The following PRPS2 variants were observed in gnomAD, a reference collection of about 807,000 sequenced individuals.
The protein encoded by PRPS2 is ribose-phosphate pyrophosphokinase 2.
For synonymous variants in PRPS2, 111 were observed against 115.3 expected (o/e 0.96, Z 0.24); for missense variants, 104 against 271.5 (o/e 0.38, Z 4.34).
In PRPS2 at chrX:12,803,301, T is replaced by G. The variant is rs758036947; in HGVS notation, c.306+3911T>G. On this transcript the variant is annotated intron_variant, in intron 2 of 6. Transcript: ENST00000380668. ...CTCACTCTCTCATTTTTAATTTTCT[T>G]TTTAGAGACAGGGTCTCGCTTCGTC... 8.9e-4 allele frequency among the ~76,000 whole-genome samples: 100 copies of G among 112,203 alleles called. 3 individuals are homozygous for G. The South Asian group carries it at 0.035, about 40-fold the overall frequency.
chrX:12,810,335 G>C, intron 4 of PRPS2, 189 bp downstream of exon 4: 1 of 508,803 alleles, frequency 2.0e-6, no homozygotes, highest in Non-Finnish European at 3.1e-6. Flanking sequence ...CGTCATTCAG[G>C]AAAGAAGAAA....
rs914826939 is a variant in PRPS2, at chrX:12,823,064, A to G, written c.*268A>G. The G allele has an allele frequency of 8.0e-5, 23 of 286,911 alleles. No individual in the cohort carries two copies. Among genetic ancestry groups the G allele is most frequent in the Non-Finnish European group, 1.2e-4 (20 of 166,239 alleles). 23.6% of individuals were successfully genotyped at this position (286,911 alleles called of 1,213,427 possible). A position where few individuals can be genotyped will look rare whatever the true frequency, so the allele number is the denominator to read the frequency against. ...TGTCATTTTGACTTTTAACAGGTAC[A>G]GGTGATCTCTTCCTTTGTTCTTTCA... On this transcript the variant is annotated 3_prime_UTR_variant, in exon 7 of 7. Transcript: ENST00000380668.
intron 2 of PRPS2, among the ~76,000 whole-genome samples, chrX:12,802,789 G>A (rs1044609098): frequency 8.9e-6 from 1 of 112,723 alleles, no homozygotes; most frequent in Non-Finnish European, 1.9e-5. Flanking sequence ...CTGTAAGTGT[G>A]TTTCTTGGTA....
At chrX:12,813,507 C>CA (rs1255529445) in intron 4 of PRPS2, among the ~76,000 whole-genome samples, 1 of 112,098 alleles carries the variant, frequency 8.9e-6, no homozygotes, top group African/African-American at 3.2e-5. Flanking sequence ...TGGTCTTTTC[C>CA]AAAAAATATA....
intron 6 of PRPS2, among the ~76,000 whole-genome samples, chrX:12,821,850 G>A (rs774050049): frequency 3.6e-5 from 4 of 112,294 alleles, no homozygotes; most frequent in African/African-American, 1.3e-4. Flanking sequence ...CAATTGGCCT[G>A]AAATAAGTCA....
At chrX:12,820,031 G>A (rs752405314) in intron 5 of PRPS2, among the ~76,000 whole-genome samples, 1 of 112,049 alleles carries the variant, frequency 8.9e-6, no homozygotes, top group South Asian at 3.7e-4. Flanking sequence ...TGGGTGTCTG[G>A]AGGATTTGTA....
chrX:12,812,470 T>C (rs1307705228), intron 4 of PRPS2, among the ~76,000 whole-genome samples: 1 of 110,513 alleles, frequency 9.0e-6, no homozygotes, highest in African/African-American at 3.3e-5. Flanking sequence ...CTGCTGAAAA[T>C]ACAAAAATTA....
chrX:12,799,495 C>T, intron 2 of PRPS2, 105 bp downstream of exon 2: 3 of 877,298 alleles, frequency 3.4e-6, no homozygotes, highest in Non-Finnish European at 3.1e-6. Flanking sequence ...TTGGCTTTTT[C>T]CTTTGATGAT....
chrX:12,794,473 C>A (rs1227321689), intron 1 of PRPS2, among the ~76,000 whole-genome samples: 1 of 112,067 alleles, frequency 8.9e-6, no homozygotes, highest in Non-Finnish European at 1.9e-5. Context: ...TGGGCAAGTA[C>A]AGAGCCCTCT....
intron 1 of PRPS2, among the ~76,000 whole-genome samples, chrX:12,793,534 T>A (rs1428392614): frequency 8.8e-6 from 1 of 113,012 alleles, no homozygotes; most frequent in Non-Finnish European, 1.9e-5. Context: ...CTACATTTTA[T>A]GTTTTTAATG....
intron 6 of PRPS2, among the ~76,000 whole-genome samples, chrX:12,821,119 C>G (rs1275901007): frequency 1.8e-5 from 2 of 111,971 alleles, no homozygotes; most frequent in Non-Finnish European, 3.8e-5. Context: ...TATATGCCCC[C>G]CAAATTTGGA....
Position 12,809,239 on chromosome X carries a change from T to C in PRPS2, c.312T>C (p.Arg104=). ...YARQDKKDKS[R]APISAKLVAN... is the part of the protein sequence containing the mutation. ...ATTAATGTTCTTACTTGTAGAGTCG[T>C]GCCCCAATTTCTGCAAAACTTGTGG... The change falls in exon 3 of 7, where the codon CGT becomes CGC. Residue 104 remains arginine (R), a synonymous_variant. Transcript: ENST00000380668. The C allele has an allele frequency of 8.3e-7, 1 of 1,210,001 alleles. No homozygotes were observed. Among genetic ancestry groups the C allele is most frequent in the Non-Finnish European group, 1.1e-6 (1 of 894,639 alleles).
intron 5 of PRPS2, 21 bp downstream of exon 5, chrX:12,819,701 A>G (rs1569098328): frequency 4.2e-6 from 5 of 1,201,589 alleles, no homozygotes; most frequent in Non-Finnish European, 5.6e-6. Flanking sequence ...CGGTGGGGAA[A>G]GCGTTAGGAC....
At chrX:12,814,069 C>A (rs367996262) in intron 4 of PRPS2, among the ~76,000 whole-genome samples, 2,751 of 19,353 alleles carry the variant, frequency 0.14, 46 homozygotes, top group South Asian at 0.22. Context: ...AGCCCCCCCA[C>A]CCCCGACTCT....
chrX:12,814,572 C>T (rs770285412), intron 4 of PRPS2, among the ~76,000 whole-genome samples: 1 of 112,160 alleles, frequency 8.9e-6, no homozygotes, highest in East Asian at 2.8e-4. Flanking sequence ...GAGCTTGTTG[C>T]TTTAGAAAAA....
chrX:12,810,638 C>T (rs1012973785), intron 4 of PRPS2, among the ~76,000 whole-genome samples: 1 of 110,783 alleles, frequency 9.0e-6, no homozygotes. Context: ...GCATCAGATC[C>T]AGCAAGAGCC....
intron 6 of PRPS2, among the ~76,000 whole-genome samples, chrX:12,822,112 A>G (rs924683824): frequency 1.8e-5 from 2 of 112,218 alleles, no homozygotes; most frequent in African/African-American, 6.5e-5. Flanking sequence ...TTGGCACACT[A>G]TGGCTCGCAA....
At chrX:12,818,381 A>AAG (rs1555903805) in intron 4 of PRPS2, among the ~76,000 whole-genome samples, 4 of 107,027 alleles carry the variant, frequency 3.7e-5, no homozygotes, top group Non-Finnish European at 5.8e-5. Flanking sequence ...AAAAAAAAAA[A>AAG]AAAGAAAAGA....
intron 2 of PRPS2, among the ~76,000 whole-genome samples, chrX:12,801,233 T>A (rs746365950): frequency 9.6e-6 from 1 of 104,364 alleles, no homozygotes; most frequent in Non-Finnish European, 1.9e-5. Context: ...TGTGTGTGTG[T>A]GTGTGTGTGT....
Sources: gnomAD v4.1 joint callset for allele counts (sites outside exome capture counted in the v4.1 genomes callset) on GRCh38, gnomAD v4.1.1 for gene constraint, MANE v1.5 for transcripts, NCBI Gene and HGNC (gene_info 2026-07-23, HGNC 2026-07-21) for gene names.